The following ROBO2 variants were observed in gnomAD, a reference collection of about 807,000 sequenced individuals.
The protein encoded by ROBO2 is roundabout guidance receptor 2.
A neutral mutation model predicts 160.8 loss-of-function variants in ROBO2; 53 were observed. That is an observed-to-expected ratio of 0.33 (90% CI 0.26 to 0.41). The LOEUF is 0.41. ROBO2 is among the 10% of genes least tolerant of loss of function. The probability of loss-of-function intolerance (pLI) is 1.00; values close to 1 mark genes in which losing one functional copy is unlikely to be tolerated. For missense variants in ROBO2, 1,577 were observed against 1,722.4 expected (o/e 0.92, Z 1.49); for synonymous variants, 664 against 611.7 (o/e 1.09, Z -1.26).
intron 1 of ROBO2, among the ~76,000 whole-genome samples, chr3:75,917,250 C>T (rs755731871): frequency 1.3e-5 from 2 of 152,100 alleles, no homozygotes; most frequent in Admixed American, 6.6e-5. Context: ...CACGTGTTCT[C>T]ATTGTTCAGC....
At chr3:77,133,328 G>A (rs749466458) in intron 2 of ROBO2, among the ~76,000 whole-genome samples, 5 of 152,114 alleles carry the variant, frequency 3.3e-5, no homozygotes, top group African/African-American at 4.8e-5. Context: ...TTTCAAGGTA[G>A]CAAAAGACTC....
intron 2 of ROBO2, among the ~76,000 whole-genome samples, chr3:77,256,768 A>C (rs1309822263): frequency 1.3e-5 from 2 of 152,052 alleles, no homozygotes; most frequent in Admixed American, 6.6e-5. Context: ...AAACAAACAA[A>C]CTCTGGCAGT....
intron 2 of ROBO2, among the ~76,000 whole-genome samples, chr3:76,677,958 C>CTTTTTTGTTTTTTTTTTTT (rs2092454304): frequency 3.4e-5 from 1 of 29,396 alleles, no homozygotes; most frequent in African/African-American, 1.3e-4. Flanking sequence ...AGAAAATATG[C>CTTTTTTGTTTTTTTTTTTT]TTTTTTTTTT....
rs191930951 is a variant in ROBO2 at position 77,477,616 on chromosome 3, T to C, written c.546+45T>C. 2.5e-3 allele frequency: 3,923 copies of C among 1,546,828 alleles called. 11 individuals are homozygous for C. Among genetic ancestry groups the C allele is most frequent in the Non-Finnish European group, 3.3e-3 (3,722 of 1,119,244 alleles). ...TGGCCCAGAGAGATTGAATTTTCAG[T>C]CTCAAAATACAAAATAGATGTATTT... On this transcript the variant is annotated intron_variant, in intron 3 of 25. Coordinates refer to ENST00000461745, the Ensembl canonical transcript of ROBO2.
At chr3:77,445,791 TTTG>T (rs1197296131) in intron 2 of ROBO2, among the ~76,000 whole-genome samples, 1 of 115,064 alleles carries the variant, frequency 8.7e-6, no homozygotes, top group Non-Finnish European at 2.0e-5. Context: ...AAGGTTTTTT[TTTG>T]TTTTTTTTTT....
In ROBO2 at chr3:77,024,582, C is replaced by G. The variant is rs144424900; in HGVS notation, c.110-73432C>G. On this transcript the variant is annotated intron_variant, in intron 2 of 26. Coordinates refer to the ROBO2 transcript ENST00000487694. ...AATGTTAGGGATTTGTGGACTCTAA[C>G]TATACTGAGGGAAATAACCAAGACC... Among the ~76,000 whole-genome samples the G allele has an allele frequency of 2.3e-3, 344 of 152,210 alleles. 1 individual carries two copies. The highest frequency in any genetic ancestry group is 7.4e-3 in the African/African-American group (309 of 41,548).
chr3:76,766,541 G>A (rs2108447471), intron 2 of ROBO2, among the ~76,000 whole-genome samples: 1 of 151,744 alleles, frequency 6.6e-6, no homozygotes, highest in East Asian at 2.0e-4. Flanking sequence ...AAATATGTGA[G>A]CAAGATAAAG....
intron 2 of ROBO2, among the ~76,000 whole-genome samples, chr3:76,052,742 T>C (rs766057749): frequency 1.3e-4 from 20 of 152,042 alleles, no homozygotes; most frequent in Non-Finnish European, 2.5e-4. Context: ...TTTCCCTGCA[T>C]AATCTAACAT....
chr3:77,604,982 A>G (rs1273524820), intron 20 of ROBO2, among the ~76,000 whole-genome samples: 2 of 151,860 alleles, frequency 1.3e-5, no homozygotes, highest in Non-Finnish European at 2.9e-5. Flanking sequence ...CCTGAGCAAC[A>G]TGGTGAAACC....
At chr3:76,464,754 A>T (rs905262188) in intron 2 of ROBO2, among the ~76,000 whole-genome samples, 1 of 152,154 alleles carries the variant, frequency 6.6e-6, no homozygotes, top group East Asian at 1.9e-4. Flanking sequence ...TCAAGATTAA[A>T]TGGATATTGT....
intron 2 of ROBO2, among the ~76,000 whole-genome samples, chr3:76,370,430 A>G (rs576987766): frequency 6.6e-6 from 1 of 152,042 alleles, no homozygotes; most frequent in Non-Finnish European, 1.5e-5. Flanking sequence ...GGAAATTTGA[A>G]CATAATGTCC....
intron 21 of ROBO2, among the ~76,000 whole-genome samples, chr3:77,613,907 G>A (rs1383564754): frequency 6.6e-6 from 1 of 152,108 alleles, no homozygotes; most frequent in East Asian, 1.9e-4. Flanking sequence ...CAAGATATGG[G>A]ATTTAGCCTG....
At chr3:76,051,225 C>T (rs886600064) in intron 2 of ROBO2, among the ~76,000 whole-genome samples, 2 of 150,866 alleles carry the variant, frequency 1.3e-5, no homozygotes, top group Non-Finnish European at 2.9e-5. Flanking sequence ...ACATTTTCTT[C>T]GTGTCTGTTT....
chr3:76,524,599 A>G (rs895185527), intron 2 of ROBO2, among the ~76,000 whole-genome samples: 6 of 151,722 alleles, frequency 4.0e-5, no homozygotes, highest in African/African-American at 1.4e-4. Context: ...TCCATCAGTT[A>G]TCATTTTTAT....
chr3:77,189,928 C>T (rs115185272), intron 2 of ROBO2, among the ~76,000 whole-genome samples: 2,013 of 151,886 alleles, frequency 0.013, 66 homozygotes, highest in African/African-American at 0.046. Context: ...GTAGTTCTAC[C>T]TTAAGTATAA....
intron 2 of ROBO2, among the ~76,000 whole-genome samples, chr3:76,004,060 A>G (rs895793377): frequency 2.6e-5 from 4 of 152,180 alleles, no homozygotes; most frequent in African/African-American, 9.7e-5. Flanking sequence ...ATGTTTACCC[A>G]AGAGAAATAA....
chr3:76,085,114 T>C (rs73842968), intron 2 of ROBO2, among the ~76,000 whole-genome samples: 16,431 of 128,868 alleles, frequency 0.13, 1,779 homozygotes, highest in African/African-American at 0.31. Context: ...TATATATATA[T>C]ATACACACAC....
intron 2 of ROBO2, among the ~76,000 whole-genome samples, chr3:76,793,062 C>T (rs1045709134): frequency 2.0e-5 from 3 of 151,472 alleles, no homozygotes; most frequent in Admixed American, 1.3e-4. Context: ...AATGCGATTC[C>T]ATCTTTCTGG....
intron 2 of ROBO2, among the ~76,000 whole-genome samples, chr3:77,179,999 T>C (rs1381813206): frequency 6.6e-6 from 1 of 152,022 alleles, no homozygotes; most frequent in Admixed American, 6.6e-5. Flanking sequence ...GTGTTTGAGA[T>C]GGGGAGGGAG....
Sources: gnomAD v4.1 joint callset for allele counts (sites outside exome capture counted in the v4.1 genomes callset) on GRCh38, gnomAD v4.1.1 for gene constraint, MANE v1.5 for transcripts, NCBI Gene and HGNC (gene_info 2026-07-23, HGNC 2026-07-21) for gene names.